The following CACNA2D1 variants were observed in gnomAD, a reference collection of about 807,000 sequenced individuals.
The protein encoded by CACNA2D1 is calcium voltage-gated channel auxiliary subunit alpha2delta 1, also known as voltage-dependent calcium channel subunit alpha-2/delta-1.
CACNA2D1 carries 53 observed loss-of-function variants against 171.5 expected under a neutral mutation model. The ratio of observed to expected loss-of-function variants is 0.31; its 90% CI spans 0.25 to 0.39. CACNA2D1 has a LOEUF of 0.39. Among genes scored for constraint, CACNA2D1 ranks in the 10% least tolerant of loss-of-function variants. The pLI is 1.00. For synonymous variants in CACNA2D1, 442 were observed against 443.1 expected, an observed-to-expected ratio of 1.00 and a Z score of 0.03; for missense variants, 903 against 1,299.8, an observed-to-expected ratio of 0.69 and a Z score of 4.69.
intron 4 of CACNA2D1, among the ~76,000 whole-genome samples, chr7:82,157,166 G>T (rs1794459355): frequency 6.6e-6 from 1 of 152,020 alleles, no homozygotes; most frequent in Non-Finnish European, 1.5e-5. Context: ...TGTTTTTACT[G>T]TGAGTCAACA....
chr7:82,372,524 C>T (rs1822525355), intron 1 of CACNA2D1, among the ~76,000 whole-genome samples: 2 of 133,942 alleles, frequency 1.5e-5, no homozygotes, highest in African/African-American at 5.2e-5. Flanking sequence ...AAGTCACTTA[C>T]AAAACTGAGT....
rs754578689 is a variant in CACNA2D1, at chr7:82,338,308, C to T, written c.178-3057G>A. On this transcript the variant is annotated intron_variant, in intron 2 of 38. Coordinates refer to ENST00000356860, the MANE Select transcript of CACNA2D1 (RefSeq NM_000722.4). ...AATATGCTTCCAAACTTTTAGAGGA[C>T]GTAAAAATTTTTTAAATTTTTTATT... 8.6e-5 allele frequency among the ~76,000 whole-genome samples: 13 copies of T among 151,814 alleles called. 1 individual carries two copies. The highest frequency in any genetic ancestry group is 8.3e-4 in the South Asian group (4 of 4,806).
intron 20 of CACNA2D1, among the ~76,000 whole-genome samples, chr7:81,992,356 A>C (rs1251558877): frequency 6.6e-6 from 1 of 152,252 alleles, no homozygotes; most frequent in African/African-American, 2.4e-5. Flanking sequence ...AAGGTGCTTA[A>C]GTTGGCAAAA....
At chr7:82,096,641 T>C (rs1811897219) in intron 6 of CACNA2D1, among the ~76,000 whole-genome samples, 1 of 148,560 alleles carries the variant, frequency 6.7e-6, no homozygotes, top group Non-Finnish European at 1.5e-5. Context: ...GATGGTATGA[T>C]CTAGTATGAT....
intron 21 of CACNA2D1, among the ~76,000 whole-genome samples, chr7:81,988,027 T>C (rs1797151728): frequency 6.6e-6 from 1 of 152,144 alleles, no homozygotes; most frequent in South Asian, 2.1e-4. Context: ...AGGTTGAGCA[T>C]AGAGGCCATT....
chr7:82,001,095 T>C (rs1798564716), intron 18 of CACNA2D1, among the ~76,000 whole-genome samples: 1 of 152,164 alleles, frequency 6.6e-6, no homozygotes. Context: ...TGTATACATG[T>C]GATAACTGAA....
intron 6 of CACNA2D1, among the ~76,000 whole-genome samples, chr7:82,112,521 G>A (rs985726883): frequency 2.6e-5 from 4 of 152,114 alleles, no homozygotes; most frequent in African/African-American, 9.7e-5. Flanking sequence ...CAAGCCTTTT[G>A]CCCAAGAACA....
intron 1 of CACNA2D1, among the ~76,000 whole-genome samples, chr7:82,365,569 T>C (rs1821598240): frequency 6.6e-6 from 1 of 152,222 alleles, no homozygotes; most frequent in Non-Finnish European, 1.5e-5. Flanking sequence ...TTTTGTGGTG[T>C]AGACCAATGA....
At chr7:82,127,690 T>G (rs1475020133) in intron 5 of CACNA2D1, among the ~76,000 whole-genome samples, 1 of 152,190 alleles carries the variant, frequency 6.6e-6, no homozygotes, top group Non-Finnish European at 1.5e-5. Context: ...AAGAGAGTTA[T>G]TATTTAAATT....
chr7:82,069,434 C>T (rs568990458), intron 7 of CACNA2D1, among the ~76,000 whole-genome samples: 1 of 152,188 alleles, frequency 6.6e-6, no homozygotes, highest in African/African-American at 2.4e-5. Context: ...TTTTGAATGT[C>T]ATCATTAAAG....
At chr7:82,209,891 AC>A (rs1800391383) in intron 3 of CACNA2D1, among the ~76,000 whole-genome samples, 1 of 152,130 alleles carries the variant, frequency 6.6e-6, no homozygotes, top group Admixed American at 6.6e-5. Context: ...TTATAACACA[AC>A]CTAAAACCAT....
intron 12 of CACNA2D1, among the ~76,000 whole-genome samples, chr7:82,020,192 G>C (rs1801014955): frequency 6.6e-6 from 1 of 152,182 alleles, no homozygotes; most frequent in Non-Finnish European, 1.5e-5. Flanking sequence ...CTGTGGGGAA[G>C]TCTTGCTGTC....
chr7:82,134,738 T>A (rs1022458750), intron 5 of CACNA2D1, among the ~76,000 whole-genome samples: 1 of 152,144 alleles, frequency 6.6e-6, no homozygotes, highest in Non-Finnish European at 1.5e-5. Context: ...ATAAGTTCAC[T>A]TACACATTTT....
At chr7:82,130,548 A>T (rs748081489) in intron 5 of CACNA2D1, among the ~76,000 whole-genome samples, 17 of 152,026 alleles carry the variant, frequency 1.1e-4, no homozygotes, top group Non-Finnish European at 1.8e-4. Flanking sequence ...CCAATGTCTA[A>T]ACTTAGATGA....
chr7:82,335,337 A>G, intron 2 of CACNA2D1, 86 bp from the exon 3 acceptor site: 1 of 809,672 alleles, frequency 1.2e-6, no homozygotes, highest in South Asian at 1.4e-5. Flanking sequence ...TAAAACTATA[A>G]ACAACTGATT....
At chr7:82,349,098 ACTATCT>A (rs1001997224) in intron 2 of CACNA2D1, among the ~76,000 whole-genome samples, 1 of 152,160 alleles carries the variant, frequency 6.6e-6, no homozygotes, top group Non-Finnish European at 1.5e-5. Flanking sequence ...GATCTCAGTG[ACTATCT>A]CTAATCTCTA....
chr7:82,406,577 T>C (rs565459477), intron 1 of CACNA2D1, among the ~76,000 whole-genome samples: 1 of 152,344 alleles, frequency 6.6e-6, no homozygotes, highest in African/African-American at 2.4e-5. Context: ...TTTTTAATGA[T>C]TGCCATTCTA....
chr7:82,333,398 A>T lies in CACNA2D1; in HGVS notation c.294+1737T>A, dbSNP rs1417452445. 7.9e-5 allele frequency among the ~76,000 whole-genome samples: 12 copies of T among 152,158 alleles called. No individual in the cohort carries two copies. The South Asian group carries it at 2.5e-3, about 31-fold the overall frequency. On this transcript the variant is annotated intron_variant, in intron 3 of 38. Coordinates refer to ENST00000356860, the MANE Select transcript of CACNA2D1 (RefSeq NM_000722.4). The stretch of plus-strand genomic sequence containing the variant: ...AGACTGGCTAATTTATAAAGGAAGG[A>T]GGTTTAATTGACTCACACTTCCACA...
chr7:82,067,358 T>A (rs949076540), intron 7 of CACNA2D1, among the ~76,000 whole-genome samples: 7 of 152,184 alleles, frequency 4.6e-5, no homozygotes, highest in Admixed American at 2.0e-4. Flanking sequence ...GGCAAATGCC[T>A]AGTTCATATG....
Sources: allele counts gnomAD v4.1 joint callset (sites outside exome capture counted in the v4.1 genomes callset), GRCh38; gene constraint gnomAD v4.1.1; transcripts MANE v1.5; gene names NCBI Gene and HGNC (gene_info 2026-07-23, HGNC 2026-07-21).